RERE: variants seen among roughly 807,000 people sequenced by gnomAD.
RERE encodes the protein arginine-glutamic acid dipeptide repeats.
Under a neutral mutation model 146.1 loss-of-function variants are expected in RERE, and 40 were observed. The ratio of observed to expected loss-of-function variants is 0.27; its 90% CI spans 0.21 to 0.36. The LOEUF (loss-of-function observed/expected upper bound fraction) is 0.36, where lower values mean the gene tolerates loss of function less well. Ranked by LOEUF, RERE falls within the 10% of genes least tolerant of loss-of-function variation. The probability of loss-of-function intolerance (pLI) is 1.00; values close to 1 mark genes in which losing one functional copy is unlikely to be tolerated. For missense variants in RERE, 1,933 were observed against 2,138.7 expected (o/e 0.90, Z 1.90); for synonymous variants, 1,003 against 866.0 (o/e 1.16, Z -2.78).
At chr1:8,375,509 A>G (rs1330587572) in intron 12 of RERE, among the ~76,000 whole-genome samples, 1 of 151,974 alleles carries the variant, frequency 6.6e-6, no homozygotes, top group African/African-American at 2.4e-5. Context: ...AGCCACTGAA[A>G]ATGCTTCCTC....
rs1260473767 is a variant in RERE, at chr1:8,355,961, G to A, written c.4486+139C>T. 14 of 885,234 alleles carry A rather than the reference G, an allele frequency of 1.6e-5. 1 individual carries two copies. In the South Asian group the frequency reaches 2.2e-4, roughly 14 times the overall value. The allele number at this position is 885,234 out of a possible 1,614,324, so 54.8% of individuals were successfully genotyped here. On this transcript the variant is annotated intron_variant, in intron 21 of 22. Transcript: ENST00000400908. ...GAGGGCAGGAGGCTTGTTCCCCCAC[G>A]GACCCCCTGCATGCAGGGGGAGCGA...
intron 1 of RERE, among the ~76,000 whole-genome samples, chr1:8,709,937 G>A (rs1639633762): frequency 6.6e-6 from 1 of 152,108 alleles, no homozygotes; most frequent in African/African-American, 2.4e-5. Flanking sequence ...TCTTATTCTG[G>A]TTTTTGTTGG....
At chr1:8,779,104 C>T (rs984214224) in intron 1 of RERE, among the ~76,000 whole-genome samples, 3 of 151,558 alleles carry the variant, frequency 2.0e-5, no homozygotes, top group African/African-American at 7.3e-5. Flanking sequence ...GCCTCAGCCT[C>T]CCAAAATGCT....
At chr1:8,688,433 C>T (rs1221525727) in intron 1 of RERE, among the ~76,000 whole-genome samples, 4 of 151,976 alleles carry the variant, frequency 2.6e-5, no homozygotes, top group African/African-American at 9.7e-5. Context: ...GCAGCACCTG[C>T]TATTGTAATC....
At chr1:8,384,812 G>A (rs983850425) in intron 12 of RERE, among the ~76,000 whole-genome samples, 2 of 152,224 alleles carry the variant, frequency 1.3e-5, no homozygotes, top group African/African-American at 2.4e-5. Flanking sequence ...GTCTCCTGCT[G>A]TGGGCAGGAA....
intron 1 of RERE, among the ~76,000 whole-genome samples, chr1:8,755,805 C>G (rs955112561): frequency 6.6e-6 from 1 of 152,158 alleles, no homozygotes; most frequent in East Asian, 1.9e-4. Context: ...TGGCTCACAC[C>G]TATAAATCCA....
chr1:8,416,024 A>G (rs1643748222), intron 12 of RERE, among the ~76,000 whole-genome samples: 1 of 152,240 alleles, frequency 6.6e-6, no homozygotes, highest in Non-Finnish European at 1.5e-5. Flanking sequence ...TTTTTCATAC[A>G]TAAGGAATGC....
chr1:8,360,515 G>A lies in RERE; in HGVS notation c.2992C>T (p.Pro998Ser), dbSNP rs1276857781. ...CCGGGGGGCTGGGCGGGCGAGGAGG[G>A]CAATGGCTGGCTCTGAGGCATGAGT... Reference protein sequence around the residue: ...LQLMPQSQPLPSSPAQPPGLT... With the variant: ...LQLMPQSQPLSSSPAQPPGLT... The change falls in exon 18 of 23, where the codon CCC becomes TCC. Residue 998 changes from proline to serine, a missense_variant. Physicochemically the swap from Pro to Ser is moderately conservative, Grantham distance 74. Around this residue, in one of 11 missense-constraint regions of RERE, gnomAD observed 1,255 missense variants for 1,153.8 expected, o/e 1.09. Transcript: ENST00000400908. 2.5e-6 allele frequency: 3 copies of A among 1,214,962 alleles called. No individual in the cohort carries two copies. The highest frequency in any genetic ancestry group is 3.2e-6 in the Non-Finnish European group (3 of 938,980). 75.3% of individuals were successfully genotyped at this position (1,214,962 alleles called of 1,614,324 possible). A position where few individuals can be genotyped will look rare whatever the true frequency, so the allele number is the denominator to read the frequency against.
intron 2 of RERE, among the ~76,000 whole-genome samples, chr1:8,634,475 A>G (rs1412939377): frequency 6.6e-6 from 1 of 152,226 alleles, no homozygotes; most frequent in Non-Finnish European, 1.5e-5. Context: ...TACTAATACT[A>G]TAGCTGACAT....
At position 8,360,467 on chromosome 1, in the gene RERE, G is replaced by GGGGGGGGC; in HGVS notation, c.3039_3040insGCCCCCCC (p.Pro1014AlafsTer70). ...GGGGGGTGGGAGGCAGGGGGCGGGG[G>GGGGGGGGC]CAGGTTCTGGCTCTGGGTCAGCCCG... On this transcript the variant is annotated frameshift_variant, in exon 18 of 23. Coordinates refer to ENST00000400908, the MANE Select transcript of RERE (RefSeq NM_001042681.2). LOFTEE classifies it high-confidence loss of function. 3.4e-6 allele frequency: 2 copies of GGGGGGGGC among 591,150 alleles called. No homozygotes were observed. Among genetic ancestry groups the GGGGGGGGC allele is most frequent in the Non-Finnish European group, 5.3e-6 (2 of 379,746 alleles). The allele number at this position is 591,150 out of a possible 1,614,324, so 36.6% of individuals were successfully genotyped here. A position where few individuals can be genotyped will look rare whatever the true frequency, so the allele number is the denominator to read the frequency against.
chr1:8,438,698 G>A (rs771374885), intron 11 of RERE, among the ~76,000 whole-genome samples: 34 of 152,056 alleles, frequency 2.2e-4, no homozygotes, highest in Admixed American at 2.1e-3. Context: ...TGAGGTTTTC[G>A]TGGAAAGACA....
chr1:8,363,015 C>G (rs1276973195), intron 15 of RERE, among the ~76,000 whole-genome samples, 171 bp from the exon 16 acceptor site: 1 of 152,226 alleles, frequency 6.6e-6, no homozygotes, highest in Non-Finnish European at 1.5e-5. Flanking sequence ...GCATGAAGGT[C>G]GGTGTGGAGC....
At chr1:8,700,049 G>A (rs375663517) in intron 1 of RERE, among the ~76,000 whole-genome samples, 2 of 152,202 alleles carry the variant, frequency 1.3e-5, no homozygotes, top group Non-Finnish European at 2.9e-5. Flanking sequence ...GCTCATGCCT[G>A]TAATACCAGC....
chr1:8,630,826 C>T (rs1647026499), intron 2 of RERE, among the ~76,000 whole-genome samples: 1 of 152,174 alleles, frequency 6.6e-6, no homozygotes, highest in East Asian at 1.9e-4. Context: ...CAGTCCTTAC[C>T]CTTACTCTGT....
chr1:8,607,522 T>A (rs1557431303), intron 4 of RERE, among the ~76,000 whole-genome samples: 2 of 145,550 alleles, frequency 1.4e-5, no homozygotes, highest in African/African-American at 5.1e-5. Context: ...ATATTTGTTT[T>A]TATATATATT....
chr1:8,422,920 G>A (rs1570204310), intron 11 of RERE, 113 bp from the exon 12 acceptor site: 2 of 778,632 alleles, frequency 2.6e-6, no homozygotes, highest in Non-Finnish European at 4.4e-6. Context: ...GTCTCGGCTA[G>A]GGAATACTGC....
At chr1:8,647,641 A>ATGTGTGTGTGTG (rs1553127411) in intron 2 of RERE, among the ~76,000 whole-genome samples, 60 of 148,640 alleles carry the variant, frequency 4.0e-4, no homozygotes, top group Middle Eastern at 3.4e-3. Flanking sequence ...TAAAATATGT[A>ATGTGTGTGTGTG]TGTGTGTGTG....
chr1:8,385,659 G>A (rs374453404), intron 12 of RERE, among the ~76,000 whole-genome samples: 2 of 151,810 alleles, frequency 1.3e-5, no homozygotes, highest in Non-Finnish European at 1.5e-5. Flanking sequence ...CCAGCTACCC[G>A]GAGAGCTTTT....
At chr1:8,443,468 A>AG (rs1444018945) in intron 11 of RERE, among the ~76,000 whole-genome samples, 3 of 151,314 alleles carry the variant, frequency 2.0e-5, no homozygotes, top group East Asian at 3.9e-4. Flanking sequence ...AGAAAAAAAA[A>AG]AAAAAAAAAA....
Sources: allele counts gnomAD v4.1 joint callset (sites outside exome capture counted in the v4.1 genomes callset), GRCh38; gene constraint gnomAD v4.1.1; regional missense constraint gnomAD v4.1.1; transcripts MANE v1.5; gene names NCBI Gene and HGNC (gene_info 2026-07-23, HGNC 2026-07-21).